The following ABTB2 variants were observed in gnomAD, a reference collection of about 807,000 sequenced individuals.
ABTB2 encodes the protein ankyrin repeat and BTB domain containing 2.
Under a neutral mutation model 104.1 loss-of-function variants are expected in ABTB2, and 56 were observed. That is an observed-to-expected ratio of 0.54 (90% CI 0.43 to 0.67). The LOEUF (loss-of-function observed/expected upper bound fraction) is 0.67. Among genes scored for constraint, ABTB2 ranks in the 30% least tolerant of loss-of-function variants. The pLI, the probability that ABTB2 is intolerant of heterozygous loss-of-function variation, is 0.00. For synonymous variants in ABTB2, 606 were observed against 608.2 expected (o/e 1.00, Z 0.05); for missense variants, 1,279 against 1,407.7 (o/e 0.91, Z 1.46).
Position 34,197,536 on chromosome 11 carries a change from C to A in ABTB2, c.1033G>T (p.Asp345Tyr). The change falls in exon 3 of 17, where the codon GAC becomes TAC. Residue 345 changes from aspartate (D) to tyrosine (Y), a missense_variant and splice_region_variant. Transcript: ENST00000435224. The part of the protein sequence containing the change: ...TCVGSISELS[D>Y]LVSRAMHHMQ... ...TGGTGCATGGCACGGGAGACCAAGT[C>A]ACCTGGTGGGGGGCGGGGAGGGCAG... 6.4e-7 allele frequency: 1 copy of A among 1,573,442 alleles called. No individual in the cohort carries two copies. The highest frequency in any genetic ancestry group is 8.6e-7 in the Non-Finnish European group (1 of 1,166,776).
intron 1 of ABTB2, among the ~76,000 whole-genome samples, chr11:34,254,870 A>G (rs1854102652): frequency 6.6e-6 from 1 of 151,866 alleles, no homozygotes; most frequent in South Asian, 2.1e-4. Context: ...CAGTGTTTCC[A>G]CCATGTTGGC....
At chr11:34,320,230 C>T (rs1416751861) in intron 1 of ABTB2, among the ~76,000 whole-genome samples, 1 of 152,172 alleles carries the variant, frequency 6.6e-6, no homozygotes, top group Non-Finnish European at 1.5e-5. Context: ...AAAATATGTG[C>T]ACAGATGACC....
At chr11:34,253,675 CAA>C (rs148748716) in intron 1 of ABTB2, among the ~76,000 whole-genome samples, 1,351 of 129,934 alleles carry the variant, frequency 0.01, 19 homozygotes, top group African/African-American at 0.03. Flanking sequence ...GATTCCGTCT[CAA>C]AAAAAAAAAA....
chr11:34,344,794 G>A (rs1277875037), intron 1 of ABTB2, among the ~76,000 whole-genome samples: 3 of 152,126 alleles, frequency 2.0e-5, no homozygotes, highest in Non-Finnish European at 4.4e-5. Context: ...CACTGTGCCC[G>A]GCCCAACCTA....
chr11:34,198,893 A>G (rs2133037449), intron 2 of ABTB2, among the ~76,000 whole-genome samples: 2 of 152,296 alleles, frequency 1.3e-5, no homozygotes, highest in Admixed American at 1.3e-4. Flanking sequence ...CCTTAGAGAG[A>G]GCCCTTCAAC....
intron 1 of ABTB2, among the ~76,000 whole-genome samples, chr11:34,254,378 G>T (rs989829911): frequency 1.3e-5 from 2 of 151,856 alleles, no homozygotes; most frequent in Non-Finnish European, 2.9e-5. Flanking sequence ...CTCCCAAGTA[G>T]CTGGGACTAC....
intron 1 of ABTB2, among the ~76,000 whole-genome samples, chr11:34,301,163 G>A (rs1854700830): frequency 1.3e-5 from 2 of 152,194 alleles, no homozygotes; most frequent in South Asian, 4.1e-4. Flanking sequence ...AGCCTTGAAG[G>A]CCTCTGACAG....
At chr11:34,206,401 A>G (rs898617888) in intron 1 of ABTB2, among the ~76,000 whole-genome samples, 3 of 152,130 alleles carry the variant, frequency 2.0e-5, no homozygotes, top group Non-Finnish European at 4.4e-5. Context: ...AAACAAAACA[A>G]AAAAACCCTG....
chr11:34,257,074 T>C (rs1227766235), intron 1 of ABTB2, among the ~76,000 whole-genome samples: 1 of 152,224 alleles, frequency 6.6e-6, no homozygotes. Flanking sequence ...GAATATACAG[T>C]GCAACTTCAT....
chr11:34,157,345 C>G (rs1250325655), intron 14 of ABTB2, among the ~76,000 whole-genome samples: 1 of 152,214 alleles, frequency 6.6e-6, no homozygotes, highest in Non-Finnish European at 1.5e-5. Context: ...GACCTGAAGC[C>G]TGTCCCCTAT....
At chr11:34,244,209 A>G (rs543281429) in intron 1 of ABTB2, among the ~76,000 whole-genome samples, 4 of 152,142 alleles carry the variant, frequency 2.6e-5, no homozygotes, top group Non-Finnish European at 5.9e-5. Context: ...GTTTCTTTAA[A>G]AAAAAAAAAA....
At chr11:34,251,839 G>A (rs1047827610) in intron 1 of ABTB2, among the ~76,000 whole-genome samples, 4 of 139,270 alleles carry the variant, frequency 2.9e-5, no homozygotes, top group Non-Finnish European at 4.8e-5. Flanking sequence ...GTGATTCACC[G>A]CAGACTAAAA....
chr11:34,241,615 G>A (rs190913442), intron 1 of ABTB2, among the ~76,000 whole-genome samples: 67 of 152,308 alleles, frequency 4.4e-4, no homozygotes, highest in Non-Finnish European at 2.6e-4. Context: ...AGACTAGCTG[G>A]CCATGATGGC....
intron 1 of ABTB2, among the ~76,000 whole-genome samples, chr11:34,284,298 G>A (rs115310905): frequency 2.1e-3 from 314 of 152,346 alleles, no homozygotes; most frequent in African/African-American, 7.3e-3. Context: ...GGCCACTGGT[G>A]ATTAATGAGC....
intron 1 of ABTB2, among the ~76,000 whole-genome samples, chr11:34,352,359 G>A (rs1855409102): frequency 6.6e-6 from 1 of 152,114 alleles, no homozygotes; most frequent in Non-Finnish European, 1.5e-5. Context: ...TTCCTTGACT[G>A]TCATTTAAAT....
intron 1 of ABTB2, among the ~76,000 whole-genome samples, chr11:34,217,645 A>G (rs1043578506): frequency 6.6e-6 from 1 of 152,136 alleles, no homozygotes; most frequent in African/African-American, 2.4e-5. Flanking sequence ...TGTTTTTAGT[A>G]GAGACGGGGT....
rs192987798 is a variant in ABTB2 at position 34,302,503 on chromosome 11, A to C, written c.883+54198T>G. ...GCCTCTGGTATGAGAAGGCCTGCTC[A>C]TTCCCCAGACCACAGAGGGGCTCAG... On this transcript the variant is annotated intron_variant, in intron 1 of 16. Transcript: ENST00000435224. Among the ~76,000 whole-genome samples, 7 of 152,338 alleles carry C rather than the reference A, an allele frequency of 4.6e-5. No homozygotes were observed. The East Asian group carries it at 1.3e-3, about 29-fold the overall frequency.
At chr11:34,161,209 C>G (rs1590202529) in intron 10 of ABTB2, 128 bp from the exon 11 acceptor site, 1 of 929,072 alleles carries the variant, frequency 1.1e-6, no homozygotes, top group Non-Finnish European at 1.5e-6. Context: ...CGCCCGCCCC[C>G]TCCCGCCTGC....
At chr11:34,169,584 G>A (rs1852842033) in intron 5 of ABTB2, among the ~76,000 whole-genome samples, 2 of 152,062 alleles carry the variant, frequency 1.3e-5, no homozygotes, top group African/African-American at 4.8e-5. Flanking sequence ...CTTCCACACT[G>A]TGCTGTTCAA....
Sources: allele counts gnomAD v4.1 joint callset (sites outside exome capture counted in the v4.1 genomes callset), GRCh38; gene constraint gnomAD v4.1.1; transcripts MANE v1.5; gene names NCBI Gene and HGNC (gene_info 2026-07-23, HGNC 2026-07-21).